TENM2: variants seen among roughly 807,000 people sequenced by gnomAD.
TENM2 encodes teneurin transmembrane protein 2.
A neutral mutation model predicts 245.2 loss-of-function variants in TENM2; 52 were observed. The observed-to-expected ratio is 0.21, with a 90% CI of 0.17 to 0.27. TENM2 has a LOEUF of 0.27. TENM2 is among the 10% of genes least tolerant of loss of function. The pLI, the probability that TENM2 is intolerant of heterozygous loss-of-function variation, is 1.00. For missense variants in TENM2, 3,046 were observed against 3,666.8 expected, an observed-to-expected ratio of 0.83 and a Z score of 4.37; for synonymous variants, 1,363 against 1,438.9, an observed-to-expected ratio of 0.95 and a Z score of 1.19.
chr5:167,500,002 ATGTG>A (rs372282137), intron 2 of TENM2, among the ~76,000 whole-genome samples: 27 of 63,346 alleles, frequency 4.3e-4, no homozygotes, highest in Admixed American at 3.6e-3. Flanking sequence ...GTGAGGGTGT[ATGTG>A]TGTGTGTATG....
chr5:167,443,459 C>T (rs1366185287), intron 2 of TENM2, among the ~76,000 whole-genome samples: 2 of 152,194 alleles, frequency 1.3e-5, no homozygotes, highest in Non-Finnish European at 2.9e-5. Context: ...AATTTTTACT[C>T]TCTGGCCCTT....
chr5:167,159,864 C>T, the TENM2 span, among the ~76,000 whole-genome samples: 1 of 152,108 alleles, frequency 6.6e-6, no homozygotes, highest in East Asian at 1.9e-4. Flanking sequence ...TTGGAGATGA[C>T]TGGTAGAGTA....
intron 2 of TENM2, among the ~76,000 whole-genome samples, chr5:167,609,508 A>AAAAAC (rs367798643): frequency 2.2e-3 from 158 of 72,714 alleles, no homozygotes; most frequent in Middle Eastern, 0.012. Flanking sequence ...AAAAAAAAAA[A>AAAAAC]AAAACAAAAC....
At chr5:167,618,264 G>A (rs1339150045) in intron 2 of TENM2, among the ~76,000 whole-genome samples, 1 of 152,054 alleles carries the variant, frequency 6.6e-6, no homozygotes, top group Non-Finnish European at 1.5e-5. Context: ...CTCATAGTTG[G>A]CTTGTGGGTG....
chr5:168,241,080 T>C (rs1313087804), intron 25 of TENM2: 1 of 151,728 alleles, frequency 6.6e-6, no homozygotes, highest in Non-Finnish European at 1.5e-5. Flanking sequence ...CTTTTGGACC[T>C]GTTTTTAAAA....
At chr5:167,717,155 C>T (rs1448773632) in intron 2 of TENM2, among the ~76,000 whole-genome samples, 1 of 151,876 alleles carries the variant, frequency 6.6e-6, no homozygotes, top group Non-Finnish European at 1.5e-5. Context: ...GGGGTTTCAC[C>T]ATGTTGGCCA....
chr5:167,854,571 G>A (rs1770894062), intron 2 of TENM2, among the ~76,000 whole-genome samples: 2 of 152,226 alleles, frequency 1.3e-5, no homozygotes, highest in African/African-American at 2.4e-5. Context: ...TATTGCTGGA[G>A]GTAAAATTGT....
intron 2 of TENM2, among the ~76,000 whole-genome samples, chr5:167,643,711 C>T (rs1228567862): frequency 6.6e-6 from 1 of 152,060 alleles, no homozygotes; most frequent in Non-Finnish European, 1.5e-5. Flanking sequence ...CCCTACATCA[C>T]TTAGAAATAA....
intron 2 of TENM2, among the ~76,000 whole-genome samples, chr5:167,563,029 A>C (rs192639845): frequency 8.5e-5 from 13 of 152,240 alleles, no homozygotes; most frequent in South Asian, 2.1e-4. Context: ...TGGAGCCTAA[A>C]TGCCAGTGTG....
rs935903521 is a variant in TENM2, at chr5:168,190,738, A to C, written c.2780+191A>C. On this transcript the variant is annotated intron_variant, in intron 14 of 28. Transcript: ENST00000518659. ...GTGTTGGGCTCCAGAACAGAGCCCT[A>C]GTGTCTTTGCAGGATGTCAACATCT... 8 of 532,902 alleles carry C rather than the reference A, an allele frequency of 1.5e-5. No homozygotes were observed. The Admixed American group carries it at 2.8e-4, about 19-fold the overall frequency. 33.0% of individuals were successfully genotyped at this position (532,902 alleles called of 1,614,324 possible). A position where few individuals can be genotyped will look rare whatever the true frequency, so the allele number is the denominator to read the frequency against.
intron 2 of TENM2, among the ~76,000 whole-genome samples, chr5:167,430,184 C>A (rs1764132025): frequency 6.6e-6 from 1 of 152,078 alleles, no homozygotes; most frequent in Non-Finnish European, 1.5e-5. Flanking sequence ...GTGATATACT[C>A]TACATTAAAA....
At chr5:167,397,945 A>G (rs572606448) in intron 2 of TENM2, among the ~76,000 whole-genome samples, 1 of 152,270 alleles carries the variant, frequency 6.6e-6, no homozygotes. Context: ...TCTTGTTTCA[A>G]CTTCCAATGT....
At chr5:168,028,439 T>C (rs1786817431) in intron 5 of TENM2, among the ~76,000 whole-genome samples, 1 of 152,072 alleles carries the variant, frequency 6.6e-6, no homozygotes, top group African/African-American at 2.4e-5. Flanking sequence ...CAGGGGCGAT[T>C]CTAGGCATGG....
chr5:168,218,667 G>A lies in TENM2; in HGVS notation c.4776G>A (p.Glu1592=), dbSNP rs1417435069. ...AGGCTGCATCCCCCGGAGAGCAGGA[G>A]TTATATGTTTTCAACGCTGATGGCA... The change falls in exon 23 of 29, where the codon GAG becomes GAA. Residue 1592 remains glutamate, a synonymous_variant. Transcript: ENST00000518659. This position sits in a 1 kb window ranked among gnomAD's most constrained non-coding sequence, Gnocchi z 5.2. 6.2e-7 allele frequency: 1 copy of A among 1,613,930 alleles called. No homozygotes were observed. Among genetic ancestry groups the A allele is most frequent in the African/African-American group, 1.3e-5 (1 of 74,942 alleles).
At chr5:168,072,475 A>G (rs896358895) in intron 7 of TENM2, among the ~76,000 whole-genome samples, 2 of 152,292 alleles carry the variant, frequency 1.3e-5, no homozygotes, top group South Asian at 2.1e-4. Context: ...ACAAATACTC[A>G]TTGAATGTCT....
At chr5:168,197,554 G>A (rs1293183591) in intron 15 of TENM2, among the ~76,000 whole-genome samples, 1 of 152,040 alleles carries the variant, frequency 6.6e-6, no homozygotes, top group East Asian at 1.9e-4. Context: ...CAAAAAGTTA[G>A]CCAGGCATCG....
rs1296078419 is a variant in TENM2 at position 167,350,913 on chromosome 5, G to T, written c.227-24285G>T. On this transcript the variant is annotated intron_variant, in intron 1 of 28. Transcript: ENST00000518659. ...GATGTATACATATGGATATATATAT[G>T]GGATATATACATATGGATATATATA... is the stretch of plus-strand genomic sequence containing the variant. Among the ~76,000 whole-genome samples the T allele has an allele frequency of 1.8e-3, 106 of 59,416 alleles. 1 individual carries two copies. Among genetic ancestry groups the T allele is most frequent in the East Asian group, 8.0e-3 (16 of 2,004 alleles). The allele number at this position is 59,416 out of a possible 152,430, so 39.0% of individuals were successfully genotyped here.
chr5:168,034,077 G>GTATATA, intron 5 of TENM2, among the ~76,000 whole-genome samples: 1 of 111,524 alleles, frequency 9.0e-6, no homozygotes, highest in Non-Finnish European at 2.0e-5. Context: ...GTATATATAT[G>GTATATA]TATACATATA....
chr5:167,004,088 C>A, the TENM2 span, among the ~76,000 whole-genome samples: 1 of 152,050 alleles, frequency 6.6e-6, no homozygotes, highest in African/African-American at 2.4e-5. Flanking sequence ...TCATTCAAAA[C>A]CAATTAAAAC....
Sources: allele counts gnomAD v4.1 joint callset (sites outside exome capture counted in the v4.1 genomes callset), GRCh38; gene constraint gnomAD v4.1.1; non-coding constraint Gnocchi (gnomAD v3.1); transcripts MANE v1.5; gene names NCBI Gene and HGNC (gene_info 2026-07-23, HGNC 2026-07-21).